The following ENTPD5 variants were observed in gnomAD, a reference collection of about 807,000 sequenced individuals.
The protein encoded by ENTPD5 is ectonucleoside triphosphate diphosphohydrolase 5 (inactive).
Under a neutral mutation model 60.2 loss-of-function variants are expected in ENTPD5, and 49 were observed. That is an observed-to-expected ratio of 0.81 (90% CI 0.65 to 1.03). ENTPD5 has a LOEUF of 1.03. ENTPD5 is among the 50% of genes least tolerant of loss of function. ENTPD5 has a pLI of 0.00. For synonymous variants in ENTPD5, 187 were observed against 185.4 expected (o/e 1.01, Z -0.07); for missense variants, 480 against 507.6 (o/e 0.95, Z 0.52).
intron 8 of ENTPD5, 101 bp downstream of exon 8, chr14:73,976,923 A>G: frequency 9.0e-7 from 1 of 1,107,678 alleles, no homozygotes. Context: ...CCTTTTTTAA[A>G]GAAGAAGAAA....
In ENTPD5 at chr14:73,963,957, G is replaced by A. The variant is rs1267386442; in HGVS notation, c.*2971C>T. 2.0e-5 allele frequency: 3 copies of A among 152,150 alleles called. No homozygotes were observed. Among genetic ancestry groups the A allele is most frequent in the Non-Finnish European group, 4.4e-5 (3 of 68,022 alleles). 9.4% of individuals were successfully genotyped at this position (152,150 alleles called of 1,614,324 possible). On this transcript the variant is annotated 3_prime_UTR_variant, in exon 16 of 16. Coordinates refer to ENST00000334696, the MANE Select transcript of ENTPD5 (RefSeq NM_001249.5). ...TCAGGCAAATGCAGAAAATTTAAAA[G>A]AGTCTAGAACAAAAAAGTGACAATG...
At chr14:74,010,344 C>T (rs2058809352) in intron 3 of ENTPD5, among the ~76,000 whole-genome samples, 1 of 152,086 alleles carries the variant, frequency 6.6e-6, no homozygotes, top group Admixed American at 6.5e-5. Context: ...CACCTGAGGT[C>T]GGGAGTTTGA....
chr14:74,013,474 A>C (rs1212618337), intron 2 of ENTPD5, among the ~76,000 whole-genome samples: 1 of 152,026 alleles, frequency 6.6e-6, no homozygotes, highest in Non-Finnish European at 1.5e-5. Flanking sequence ...CTTTCTTAAA[A>C]TATTATGAGA....
downstream of ENTPD5, chr14:73,955,547 G>T: frequency 2.5e-6 from 4 of 1,586,874 alleles, no homozygotes; most frequent in Non-Finnish European, 2.6e-6. Flanking sequence ...AAGATGTCTT[G>T]GTCTGTCTTA....
chr14:73,989,332 C>A (rs1366490175), intron 3 of ENTPD5, among the ~76,000 whole-genome samples: 1 of 151,728 alleles, frequency 6.6e-6, no homozygotes, highest in African/African-American at 2.4e-5. Flanking sequence ...GAGGCCAAGG[C>A]AGGTGGATCA....
In ENTPD5 at chr14:73,988,331, C is replaced by T. The variant is rs556236913; in HGVS notation, c.-70-159G>A. ...TGATGTGGGCTCTTAGCACCTTTTC[C>T]GAAGGGTATCTAGTTCCAAAAGGAA... On this transcript the variant is annotated intron_variant, in intron 3 of 15. Coordinates refer to ENST00000334696, the MANE Select transcript of ENTPD5 (RefSeq NM_001249.5). 1.4e-3 allele frequency among the ~76,000 whole-genome samples: 211 copies of T among 152,234 alleles called. 1 individual carries two copies. Among genetic ancestry groups the T allele is most frequent in the African/African-American group, 4.8e-3 (201 of 41,542 alleles).
chr14:73,976,984 A>C (rs2057470215), intron 8 of ENTPD5, 40 bp downstream of exon 8: 1 of 1,548,556 alleles, frequency 6.5e-7, no homozygotes. Context: ...TGCATGTAAA[A>C]GCTAGTTAAG....
chr14:73,999,719 C>G (rs1201344729), intron 3 of ENTPD5, among the ~76,000 whole-genome samples: 2 of 151,100 alleles, frequency 1.3e-5, no homozygotes, highest in Non-Finnish European at 2.9e-5. Context: ...TTGAACCTGG[C>G]AGGCGGAGGT....
intron 3 of ENTPD5, among the ~76,000 whole-genome samples, chr14:73,992,153 A>C (rs1038314229): frequency 6.6e-6 from 1 of 152,114 alleles, no homozygotes; most frequent in African/African-American, 2.4e-5. Flanking sequence ...ACTTTGCACC[A>C]AACAGTTTTG....
At chr14:74,017,318 C>CA (rs34009014) in intron 1 of ENTPD5, among the ~76,000 whole-genome samples, 8 of 92,382 alleles carry the variant, frequency 8.7e-5, no homozygotes, top group Admixed American at 4.1e-4. Context: ...AACTCCATCT[C>CA]AAAAAAAAAG....
chr14:74,007,851 G>A (rs1240186408), intron 3 of ENTPD5: 2 of 142,072 alleles, frequency 1.4e-5, no homozygotes, highest in Non-Finnish European at 3.0e-5. Context: ...TTTTTTTTGA[G>A]ATGGAGTCTC....
intron 3 of ENTPD5, chr14:74,003,386 C>A: frequency 1.4e-6 from 1 of 692,702 alleles, no homozygotes; most frequent in Non-Finnish European, 2.5e-6. Flanking sequence ...TTCTTGGAAA[C>A]CTCTGCATCA....
At chr14:73,991,735 A>G (rs1307158710) in intron 3 of ENTPD5, among the ~76,000 whole-genome samples, 3 of 151,710 alleles carry the variant, frequency 2.0e-5, no homozygotes, top group African/African-American at 7.2e-5. Context: ...TCCACCCACA[A>G]CCAGTTGTGA....
At chr14:73,960,822 TG>T (rs2140415020), downstream of ENTPD5, 2 of 392,676 alleles carry the variant, frequency 5.1e-6, no homozygotes, top group Admixed American at 7.3e-5. Flanking sequence ...GTTATCCTAA[TG>T]AAATAGAGAC....
At chr14:73,955,943 T>C (rs1391084483), downstream of ENTPD5, 1 of 1,613,800 alleles carries the variant, frequency 6.2e-7, no homozygotes, top group African/African-American at 1.3e-5. Flanking sequence ...GGCCCCCATC[T>C]TCCACCTTGC....
At position 73,966,969 on chromosome 14, in the gene ENTPD5, C is replaced by G; in HGVS notation, c.1246G>C (p.Ala416Pro). Reference protein sequence around the residue: ...NNIETGWALGATFHLLQSLGI... With the variant: ...NNIETGWALGPTFHLLQSLGI... ...AGAGACTGCAACAGGTGAAAGGTGG[C>G]CCCCAAGGCCCAGCCCGTCTCTATG... Residue 416 changes from alanine (A) to proline (P), a missense_variant, in exon 16 of 16, where the codon GCC (alanine) becomes CCC (proline). By Grantham distance (27) the Ala-to-Pro change is conservative. Coordinates refer to ENST00000334696, the MANE Select transcript of ENTPD5 (RefSeq NM_001249.5). 6.2e-7 allele frequency: 1 copy of G among 1,614,148 alleles called. No individual in the cohort carries two copies. Among genetic ancestry groups the G allele is most frequent in the South Asian group, 1.1e-5 (1 of 91,086 alleles).
At chr14:73,977,161 G>A (rs932127000) in intron 7 of ENTPD5, 102 bp from the exon 8 acceptor site, 1 of 1,281,870 alleles carries the variant, frequency 7.8e-7, no homozygotes, top group Non-Finnish European at 1.1e-6. Flanking sequence ...CATGTCTAGA[G>A]CACATGTTCC....
At chr14:73,991,900 G>C (rs972087659) in intron 3 of ENTPD5, among the ~76,000 whole-genome samples, 4 of 151,408 alleles carry the variant, frequency 2.6e-5, no homozygotes, top group Non-Finnish European at 5.9e-5. Context: ...TCGGGAGCCT[G>C]AGGCAGGAGA....
chr14:74,002,941 G>A (rs929646194), intron 3 of ENTPD5, among the ~76,000 whole-genome samples: 2 of 152,058 alleles, frequency 1.3e-5, no homozygotes, highest in African/African-American at 4.8e-5. Flanking sequence ...TGACCTCTGC[G>A]CTTATTCACT....
Sources: allele counts gnomAD v4.1 joint callset (sites outside exome capture counted in the v4.1 genomes callset), GRCh38; gene constraint gnomAD v4.1.1; transcripts MANE v1.5; gene names NCBI Gene and HGNC (gene_info 2026-07-23, HGNC 2026-07-21).